The following SLCO1A2 variants were observed in gnomAD, a reference collection of about 807,000 sequenced individuals.
SLCO1A2 encodes OATP-1.
Under a neutral mutation model 69.0 loss-of-function variants are expected in SLCO1A2, and 67 were observed. The observed-to-expected ratio is 0.97, with a 90% CI of 0.80 to 1.19. The LOEUF (loss-of-function observed/expected upper bound fraction) is 1.19. Ranked by LOEUF, SLCO1A2 falls within the 50% of genes most tolerant of loss-of-function variation. The probability of loss-of-function intolerance (pLI) is 0.00; values close to 1 mark genes in which losing one functional copy is unlikely to be tolerated. For missense variants in SLCO1A2, 787 were observed against 793.7 expected (o/e 0.99, Z 0.10); for synonymous variants, 260 against 265.9 (o/e 0.98, Z 0.22).
At chr12:21,304,239 T>TA (rs1949071192) in intron 6 of SLCO1A2, among the ~76,000 whole-genome samples, 188 bp downstream of exon 6, 1 of 152,162 alleles carries the variant, frequency 6.6e-6, no homozygotes, top group Non-Finnish European at 1.5e-5. Context: ...GTAGATTTAT[T>TA]AACCAAGTAG....
chr12:21,292,648 T>C (rs1392103471), intron 11 of SLCO1A2, among the ~76,000 whole-genome samples: 2 of 152,124 alleles, frequency 1.3e-5, no homozygotes, highest in African/African-American at 2.4e-5. Flanking sequence ...CAGGCTGGAG[T>C]GCAGTGGTGC....
intron 1 of SLCO1A2, among the ~76,000 whole-genome samples, chr12:21,385,766 G>A (rs1940845902): frequency 6.6e-6 from 1 of 152,220 alleles, no homozygotes; most frequent in African/African-American, 2.4e-5. Flanking sequence ...GATGGGTAGA[G>A]GAGGCTGGCA....
At position 21,274,347 on chromosome 12, in the gene SLCO1A2, C is replaced by T. The variant is rs548051318; in HGVS notation, c.1793+122G>A. ...GAATGGAGATATAACATCAGTATCT[C>T]TGCTGGAAATAACCACAAAAGTATT... On this transcript the variant is annotated intron_variant, in intron 14 of 14. Coordinates refer to ENST00000683939, the MANE Select transcript of SLCO1A2 (RefSeq NM_001386879.1). 4 of 585,382 alleles carry T rather than the reference C, an allele frequency of 6.8e-6. No homozygotes were observed. In the East Asian group the frequency reaches 1.1e-4, roughly 16 times the overall value. 36.3% of individuals were successfully genotyped at this position (585,382 alleles called of 1,614,324 possible).
intron 1 of SLCO1A2, among the ~76,000 whole-genome samples, chr12:21,412,892 A>C (rs953764815): frequency 6.6e-6 from 1 of 152,152 alleles, no homozygotes; most frequent in African/African-American, 2.4e-5. Context: ...TCACTTCAAT[A>C]AATCAGGAAA....
intron 1 of SLCO1A2, among the ~76,000 whole-genome samples, chr12:21,381,398 C>T (rs1940578951): frequency 6.6e-6 from 1 of 151,902 alleles, no homozygotes; most frequent in Admixed American, 6.6e-5. Flanking sequence ...TACAAATGGC[C>T]AACAAACATG....
intron 2 of SLCO1A2, among the ~76,000 whole-genome samples, chr12:21,353,284 T>C (rs576393745): frequency 6.6e-5 from 10 of 152,150 alleles, no homozygotes; most frequent in African/African-American, 2.4e-4. Flanking sequence ...CAGAAAGTAA[T>C]AGTATTTTTA....
intron 2 of SLCO1A2, among the ~76,000 whole-genome samples, chr12:21,345,059 G>A (rs768274056): frequency 6.6e-6 from 1 of 151,796 alleles, no homozygotes; most frequent in Non-Finnish European, 1.5e-5. Context: ...AATACTAAAA[G>A]CCATAATAAC....
chr12:21,401,912 A>T (rs1019917304), intron 1 of SLCO1A2, among the ~76,000 whole-genome samples: 1 of 151,562 alleles, frequency 6.6e-6, no homozygotes, highest in Admixed American at 6.6e-5. Context: ...TATACATAAT[A>T]AATATATAAT....
chr12:21,319,276 G>A, intron 2 of SLCO1A2: 1 of 1,189,252 alleles, frequency 8.4e-7, no homozygotes, highest in Non-Finnish European at 1.2e-6. Flanking sequence ...TACATGTACT[G>A]TAATGAAAAG....
At chr12:21,323,986 A>G (rs954939397) in intron 2 of SLCO1A2, among the ~76,000 whole-genome samples, 19 of 152,182 alleles carry the variant, frequency 1.2e-4, no homozygotes, top group Non-Finnish European at 2.5e-4. Context: ...CAGTGGGATG[A>G]CAAATGAGAG....
intron 3 of SLCO1A2, among the ~76,000 whole-genome samples, chr12:21,318,299 C>G (rs964884891): frequency 5.9e-5 from 9 of 151,866 alleles, no homozygotes; most frequent in African/African-American, 2.2e-4. Context: ...GTTTGTATTT[C>G]TAGCAGAGAC....
chr12:21,352,254 A>C (rs1352558487), intron 2 of SLCO1A2, among the ~76,000 whole-genome samples: 5 of 152,316 alleles, frequency 3.3e-5, no homozygotes, highest in African/African-American at 1.2e-4. Context: ...AGAGAGGAAA[A>C]ACTAGGACAG....
In SLCO1A2 at chr12:21,365,206, C is replaced by T. The variant is rs561981879; in HGVS notation, c.-63+9193G>A. ...ACTGGTACCAAAACAGAGATATAGACCAATGGAACAGAATAGAGCCCTCAG... is the reference window on the plus strand; with the variant it reads ...ACTGGTACCAAAACAGAGATATAGATCAATGGAACAGAATAGAGCCCTCAG... On this transcript the variant is annotated intron_variant, in intron 2 of 15. Coordinates refer to the SLCO1A2 transcript ENST00000307378. 2.8e-4 allele frequency among the ~76,000 whole-genome samples: 42 copies of T among 152,164 alleles called. No individual in the cohort carries two copies. In the South Asian group the frequency reaches 4.1e-3, roughly 15 times the overall value.
chr12:21,376,913 T>C (rs920140980), intron 1 of SLCO1A2, among the ~76,000 whole-genome samples: 1 of 152,134 alleles, frequency 6.6e-6, no homozygotes, highest in East Asian at 1.9e-4. Context: ...AACTAAAACA[T>C]TTCTCTAACT....
chr12:21,396,319 A>C (rs1941458143), upstream of SLCO1A2, among the ~76,000 whole-genome samples: 1 of 150,824 alleles, frequency 6.6e-6, no homozygotes, highest in Non-Finnish European at 1.5e-5. Flanking sequence ...GGAAGTTTAG[A>C]GAAAAAAGAA....
intron 1 of SLCO1A2, among the ~76,000 whole-genome samples, chr12:21,394,186 C>T (rs776878186): frequency 6.6e-6 from 1 of 152,144 alleles, no homozygotes; most frequent in Admixed American, 6.5e-5. Context: ...TCAAAAGACA[C>T]TGTCTATGTA....
At chr12:21,353,437 C>T (rs754582577) in intron 2 of SLCO1A2, among the ~76,000 whole-genome samples, 16 of 150,092 alleles carry the variant, frequency 1.1e-4, no homozygotes, top group Non-Finnish European at 2.1e-4. Context: ...ATGGAAGGTT[C>T]GTAGCCTCTT....
chr12:21,294,098 A>G lies in SLCO1A2; in HGVS notation c.1284T>C (p.Asp428=), dbSNP rs540800218. 1.3e-5 allele frequency: 20 copies of G among 1,590,682 alleles called. 1 individual carries two copies. The South Asian group carries it at 2.1e-4, about 16-fold the overall frequency. Residue 428 remains aspartate, a synonymous_variant, in exon 11 of 15, where the codon GAT becomes GAC. Transcript: ENST00000683939. ...INTSYEGIPQ[D]LYVENDIFAD... ...CAAAGATGTCATTTTCCACATATAA[A>G]TCTTGTGGAATTCTGAAGTGATTTA...
In SLCO1A2 at chr12:21,300,481, A is replaced by C. The variant is rs1948574913; in HGVS notation, c.777T>G (p.Thr259=). The C allele has an allele frequency of 6.2e-7, 1 of 1,613,510 alleles. No individual in the cohort carries two copies. The highest frequency in any genetic ancestry group is 1.7e-5 in the Admixed American group (1 of 59,884). ...TGGGCAAAAAGAAAAAAGGAATGGC[A>C]GTGAGCACGTTAACTCCTGCACAAA... ...FLICAGVNVL[T]AIPFFFLPNT... The change falls in exon 8 of 15, where the codon ACT becomes ACG. Residue 259 remains threonine (T), a synonymous_variant. Coordinates refer to ENST00000683939, the MANE Select transcript of SLCO1A2 (RefSeq NM_001386879.1).
Sources: gnomAD v4.1 joint callset for allele counts (sites outside exome capture counted in the v4.1 genomes callset) on GRCh38, gnomAD v4.1.1 for gene constraint, MANE v1.5 for transcripts, NCBI Gene and HGNC (gene_info 2026-07-23, HGNC 2026-07-21) for gene names.